ACVR1B: variants seen among roughly 807,000 people sequenced by gnomAD.
ACVR1B encodes the protein activin receptor type-1B.
In ACVR1B, 15 loss-of-function variants were observed where a neutral mutation model predicts 55.6. The observed-to-expected ratio is 0.27, with a 90% CI of 0.18 to 0.42. ACVR1B has a LOEUF of 0.42. Among genes scored for constraint, ACVR1B ranks in the 10% least tolerant of loss-of-function variants. The probability of loss-of-function intolerance (pLI) is 1.00; values close to 1 mark genes in which losing one functional copy is unlikely to be tolerated. For synonymous variants in ACVR1B, 247 were observed against 254.6 expected, an observed-to-expected ratio of 0.97 and a Z score of 0.28; for missense variants, 359 against 670.1, an observed-to-expected ratio of 0.54 and a Z score of 5.13.
At chr12:51,967,146 A>G (rs532873101) in intron 1 of ACVR1B, among the ~76,000 whole-genome samples, 110 of 152,278 alleles carry the variant, frequency 7.2e-4, no homozygotes, top group African/African-American at 2.6e-3. Flanking sequence ...AGGCTGAGGC[A>G]GGAGAATGGC....
At chr12:51,977,625 T>TC (rs1316198746) in intron 3 of ACVR1B, among the ~76,000 whole-genome samples, 4 of 149,152 alleles carry the variant, frequency 2.7e-5, no homozygotes, top group African/African-American at 1.0e-4. Context: ...TTTTTTTTTT[T>TC]TTTGTTTTAA....
chr12:51,981,232 A>G lies in ACVR1B; in HGVS notation c.811+33A>G, dbSNP rs750993521. The G allele has an allele frequency of 8.9e-6, 14 of 1,574,844 alleles. No homozygotes were observed. In the East Asian group the frequency reaches 9.0e-5, roughly 10 times the overall value. Reference sequence around the variant, plus strand: ...CTGGGCTTGGATACAGCATTCCCAGATAGAGGATGCTAGAGAAAGTGCATA... The same window carrying G: ...CTGGGCTTGGATACAGCATTCCCAGGTAGAGGATGCTAGAGAAAGTGCATA... On this transcript the variant is annotated intron_variant, in intron 4 of 8. Coordinates refer to ENST00000257963, the MANE Select transcript of ACVR1B (RefSeq NM_004302.5).
rs747032295 is a variant in ACVR1B, at chr12:51,983,950, T to G, written c.812-49T>G. The G allele has an allele frequency of 1.9e-6, 3 of 1,603,914 alleles. No homozygotes were observed. In the African/African-American group the frequency reaches 4.0e-5, roughly 21 times the overall value. ...ACTCATCCTTACCAACCTTCACTGT[T>G]TTGCTGATAGTTACACTTTTTCTGG... On this transcript the variant is annotated intron_variant, in intron 4 of 8. Transcript: ENST00000257963.
chr12:51,963,436 G>C (rs1208500665), intron 1 of ACVR1B, among the ~76,000 whole-genome samples: 1 of 152,152 alleles, frequency 6.6e-6, no homozygotes, highest in African/African-American at 2.4e-5. Flanking sequence ...AGTAGAGACG[G>C]GGTTTCACCG....
chr12:51,987,109 G>A (rs560902667), intron 7 of ACVR1B, 167 bp downstream of exon 7: 29 of 907,606 alleles, frequency 3.2e-5, no homozygotes, highest in Admixed American at 3.1e-4. Context: ...CTGTGCTTAG[G>A]GTGCGTTTAT....
Position 51,982,883 on chromosome 12 carries a change from T to C in ACVR1B, c.812-1116T>C, listed in dbSNP as rs117766220. 8.8e-4 allele frequency: 1,200 copies of C among 1,364,126 alleles called. 27 individuals carry two copies. The East Asian group carries it at 0.03, about 34-fold the overall frequency. 84.5% of individuals were successfully genotyped at this position (1,364,126 alleles called of 1,614,324 possible). A position where few individuals can be genotyped will look rare whatever the true frequency, so the allele number is the denominator to read the frequency against. On this transcript the variant is annotated intron_variant, in intron 4 of 8. Coordinates refer to ENST00000257963, the MANE Select transcript of ACVR1B (RefSeq NM_004302.5). Reference sequence around the variant, plus strand: ...TATATGTTTTAAAAGGATCAAATCATGTCTTCTCTTTGAACTTGTTAGCAG... The same window carrying C: ...TATATGTTTTAAAAGGATCAAATCACGTCTTCTCTTTGAACTTGTTAGCAG...
chr12:51,978,955 A>G (rs1380279125), intron 3 of ACVR1B, among the ~76,000 whole-genome samples: 1 of 151,936 alleles, frequency 6.6e-6, no homozygotes, highest in Non-Finnish European at 1.5e-5. Flanking sequence ...CATGAGGTCA[A>G]AAGTTTGAGA....
chr12:51,977,191 C>T (rs1049537665), intron 3 of ACVR1B, among the ~76,000 whole-genome samples: 5 of 152,098 alleles, frequency 3.3e-5, no homozygotes, highest in Non-Finnish European at 5.9e-5. Flanking sequence ...TGGCATAAGA[C>T]GAGAATTTAA....
intron 1 of ACVR1B, among the ~76,000 whole-genome samples, chr12:51,953,903 T>G (rs1311248143): frequency 2.6e-5 from 4 of 152,200 alleles, no homozygotes; most frequent in Non-Finnish European, 5.9e-5. Context: ...CTTTTTTTGG[T>G]AAATTGGAAA....
rs921256096 is a variant in ACVR1B, at chr12:51,982,913, C to T, written c.812-1086C>T. On this transcript the variant is annotated intron_variant, in intron 4 of 8. Transcript: ENST00000257963. The stretch of plus-strand genomic sequence containing the variant: ...TCTCTTTGAACTTGTTAGCAGGGTC[C>T]TCAGGACTTTGGGGCTGGTTAGAGT... 3.1e-5 allele frequency: 38 copies of T among 1,218,700 alleles called. No homozygotes were observed. The African/African-American group carries it at 5.1e-4, about 17-fold the overall frequency. The allele number at this position is 1,218,700 out of a possible 1,614,324, so 75.5% of individuals were successfully genotyped here. A position where few individuals can be genotyped will look rare whatever the true frequency, so the allele number is the denominator to read the frequency against.
chr12:51,990,818 G>A (rs915559519), intron 7 of ACVR1B, among the ~76,000 whole-genome samples: 7 of 152,102 alleles, frequency 4.6e-5, no homozygotes, highest in Admixed American at 1.3e-4. Flanking sequence ...CATTTGTCCT[G>A]TAGAATTTCC....
rs193289866 is a variant in ACVR1B at position 51,972,041 on chromosome 12, G to A, written c.92-3224G>A. On this transcript the variant is annotated intron_variant, in intron 1 of 8. Transcript: ENST00000257963. ...ATTTTTACTTGGGTGGTGGCTTTTT[G>A]TTTTGTTTTTAGGTTTTACATTGAG... Among the ~76,000 whole-genome samples, 636 of 152,212 alleles carry A rather than the reference G, an allele frequency of 4.2e-3. 2 individuals carry two copies. The highest frequency in any genetic ancestry group is 6.8e-3 in the Non-Finnish European group (463 of 67,960).
intron 1 of ACVR1B, among the ~76,000 whole-genome samples, chr12:51,969,236 T>C (rs1055134524): frequency 1.4e-4 from 21 of 152,334 alleles, no homozygotes; most frequent in African/African-American, 4.6e-4. Context: ...TAATTTGTTA[T>C]ATGGCCATAG....
At chr12:51,967,999 C>T (rs568602790) in intron 1 of ACVR1B, among the ~76,000 whole-genome samples, 2 of 152,360 alleles carry the variant, frequency 1.3e-5, no homozygotes, top group Admixed American at 1.3e-4. Flanking sequence ...CTTTGGGAGG[C>T]TGAGGCGGGT....
At chr12:51,983,781 A>G (rs944706229) in intron 4 of ACVR1B, among the ~76,000 whole-genome samples, 1 of 152,230 alleles carries the variant, frequency 6.6e-6, no homozygotes, top group African/African-American at 2.4e-5. Context: ...GAGCAGTCCT[A>G]AGAAAGAAAT....
chr12:51,981,276 C>CT, intron 4 of ACVR1B, 77 bp downstream of exon 4: 1 of 1,231,384 alleles, frequency 8.1e-7, no homozygotes, highest in Non-Finnish European at 1.2e-6. Flanking sequence ...GTGCACAGCT[C>CT]TGTTTGCCTT....
At chr12:51,979,464 C>T (rs1459765829) in intron 3 of ACVR1B, among the ~76,000 whole-genome samples, 1 of 39,988 alleles carries the variant, frequency 2.5e-5, no homozygotes, top group Non-Finnish European at 5.5e-5. Context: ...GAGACACCAT[C>T]TCAAAAAAAA....
chr12:51,989,183 T>G (rs1942139085), intron 7 of ACVR1B, among the ~76,000 whole-genome samples: 1 of 152,076 alleles, frequency 6.6e-6, no homozygotes, highest in Non-Finnish European at 1.5e-5. Flanking sequence ...CATCTCTACT[T>G]AAAAGAAAAA....
At chr12:51,991,210 C>T (rs1171032596) in intron 7 of ACVR1B, among the ~76,000 whole-genome samples, 1 of 152,106 alleles carries the variant, frequency 6.6e-6, no homozygotes, top group Non-Finnish European at 1.5e-5. Context: ...CTGAAATTTC[C>T]TTTTTTAGAC....
Sources: allele counts gnomAD v4.1 joint callset (sites outside exome capture counted in the v4.1 genomes callset), GRCh38; gene constraint gnomAD v4.1.1; transcripts MANE v1.5; gene names NCBI Gene and HGNC (gene_info 2026-07-23, HGNC 2026-07-21).